Variants in PRKG1 observed in about 807,000 individuals in gnomAD.
PRKG1 encodes cGMP-dependent protein kinase 1.
Under a neutral mutation model 88.1 loss-of-function variants are expected in PRKG1, and 35 were observed. That is an observed-to-expected ratio of 0.40 (90% CI 0.30 to 0.53). The LOEUF (loss-of-function observed/expected upper bound fraction) is 0.53, where lower values mean the gene tolerates loss of function less well. PRKG1 is among the 20% of genes least tolerant of loss of function. PRKG1 has a pLI of 0.59. For synonymous variants in PRKG1, 303 were observed against 292.5 expected (o/e 1.04, Z -0.37); for missense variants, 540 against 839.8 (o/e 0.64, Z 4.41).
intron 3 of PRKG1, among the ~76,000 whole-genome samples, chr10:51,506,235 A>G (rs1445426697): frequency 1.3e-5 from 2 of 152,196 alleles, no homozygotes; most frequent in Non-Finnish European, 2.9e-5. Context: ...CATTCAGGAC[A>G]TAGGCATGGG....
At position 51,549,127 on chromosome 10, in the gene PRKG1, T is replaced by C. The variant is rs1333966469; in HGVS notation, c.592+81291T>C. 5.2e-3 allele frequency among the ~76,000 whole-genome samples: 597 copies of C among 115,702 alleles called. 2 individuals are homozygous for C. The highest frequency in any genetic ancestry group is 0.018 in the African/African-American group (580 of 32,010). The allele number at this position is 115,702 out of a possible 152,430, so 75.9% of individuals were successfully genotyped here. On this transcript the variant is annotated intron_variant, in intron 3 of 17. Coordinates refer to ENST00000373980, the MANE Select transcript of PRKG1 (RefSeq NM_006258.4). The stretch of plus-strand genomic sequence containing the variant: ...CTTTCTTTCTTTTCTTTTCTTTTTT[T>C]TTTTTTTTTTTTTTGAGACAGAGTC...
In PRKG1 at chr10:51,153,340, G is replaced by T. The variant is rs763995628; in HGVS notation, c.478+10G>T. The T allele has an allele frequency of 2.8e-5, 44 of 1,588,424 alleles. No homozygotes were observed. Among genetic ancestry groups the T allele is most frequent in the Non-Finnish European group, 6.9e-6 (8 of 1,165,536 alleles). ...GTGTATGTCATGGAAGGTACGGTTT[G>T]TAACTCCAATCCTCTGACATTCAAA... On this transcript the variant is annotated intron_variant, in intron 2 of 17. Coordinates refer to ENST00000373980, the MANE Select transcript of PRKG1 (RefSeq NM_006258.4).
chr10:51,406,876 C>T (rs748311820), intron 2 of PRKG1, among the ~76,000 whole-genome samples: 2 of 152,098 alleles, frequency 1.3e-5, no homozygotes, highest in African/African-American at 2.4e-5. Flanking sequence ...TTAACTCACA[C>T]GATCAGAAGG....
At chr10:51,271,081 A>T (rs375881416) in intron 2 of PRKG1, among the ~76,000 whole-genome samples, 1 of 152,172 alleles carries the variant, frequency 6.6e-6, no homozygotes. Context: ...TAGCTTTAGG[A>T]TCATCCAAGA....
chr10:51,103,841 T>C (rs1018187157), intron 1 of PRKG1, among the ~76,000 whole-genome samples: 2 of 152,168 alleles, frequency 1.3e-5, no homozygotes, highest in Admixed American at 6.5e-5. Context: ...AGTAAGTACA[T>C]ACACAACTAA....
At chr10:51,108,381 A>T (rs200842631) in intron 1 of PRKG1, among the ~76,000 whole-genome samples, 14 of 146,672 alleles carry the variant, frequency 9.5e-5, no homozygotes, top group East Asian at 2.0e-4. Flanking sequence ...TAACAAAATT[A>T]AAAAAAAAAA....
chr10:52,253,571 T>C (rs563770002), intron 10 of PRKG1: 1 of 151,982 alleles, frequency 6.6e-6, no homozygotes, highest in South Asian at 2.1e-4. Flanking sequence ...TGTGCACACA[T>C]GTGTATGCTC....
chr10:51,270,766 T>C (rs1387603369), intron 2 of PRKG1, among the ~76,000 whole-genome samples: 1 of 152,172 alleles, frequency 6.6e-6, no homozygotes, highest in Admixed American at 6.6e-5. Context: ...ATTTGGTTGG[T>C]GTCCACAACC....
intron 2 of PRKG1, among the ~76,000 whole-genome samples, chr10:51,264,829 C>A (rs941175243): frequency 1.3e-5 from 2 of 152,148 alleles, no homozygotes; most frequent in Admixed American, 1.3e-4. Flanking sequence ...AGAGGGCTTT[C>A]ATGAACAGTT....
At chr10:51,874,169 A>T (rs192234586) in intron 4 of PRKG1, among the ~76,000 whole-genome samples, 12 of 152,308 alleles carry the variant, frequency 7.9e-5, no homozygotes, top group African/African-American at 2.9e-4. Flanking sequence ...TGCTGAGACC[A>T]TTCCCAATCT....
At chr10:52,164,814 T>C (rs2132694578) in intron 9 of PRKG1, among the ~76,000 whole-genome samples, 1 of 152,300 alleles carries the variant, frequency 6.6e-6, no homozygotes, top group Admixed American at 6.5e-5. Flanking sequence ...TATGACATGA[T>C]GATTTGATAC....
At chr10:52,060,777 G>C (rs1846217810) in intron 6 of PRKG1, among the ~76,000 whole-genome samples, 1 of 151,838 alleles carries the variant, frequency 6.6e-6, no homozygotes, top group Non-Finnish European at 1.5e-5. Flanking sequence ...TAATAACCTT[G>C]TTCTTTATTC....
chr10:51,412,911 C>T (rs922893189), intron 2 of PRKG1, among the ~76,000 whole-genome samples: 1 of 152,044 alleles, frequency 6.6e-6, no homozygotes, highest in Non-Finnish European at 1.5e-5. Flanking sequence ...AAGGTTGAGA[C>T]AGTGAGGAAA....
intron 4 of PRKG1, among the ~76,000 whole-genome samples, chr10:51,888,772 T>A (rs1314680898): frequency 6.6e-6 from 1 of 152,202 alleles, no homozygotes; most frequent in African/African-American, 2.4e-5. Context: ...AAAGTTTCTG[T>A]CTCTTCATTT....
chr10:51,847,786 G>C (rs1218071210), intron 4 of PRKG1, among the ~76,000 whole-genome samples: 1 of 124,354 alleles, frequency 8.0e-6, no homozygotes, highest in Non-Finnish European at 1.6e-5. Flanking sequence ...TGAGGTGCTT[G>C]AACCCAGGAG....
chr10:51,192,967 T>A (rs1049048188), intron 2 of PRKG1, among the ~76,000 whole-genome samples: 5 of 152,032 alleles, frequency 3.3e-5, no homozygotes, highest in African/African-American at 1.2e-4. Flanking sequence ...AACAGAGAAG[T>A]AAACCAATCA....
chr10:51,268,178 A>C (rs1839886614), intron 2 of PRKG1, among the ~76,000 whole-genome samples: 1 of 152,134 alleles, frequency 6.6e-6, no homozygotes, highest in South Asian at 2.1e-4. Flanking sequence ...GGTCACAGAG[A>C]TCACAAGGCA....
Position 51,051,007 on chromosome 10 carries a change from T to C in PRKG1, c.266+59363T>C, listed in dbSNP as rs891292020. Among the ~76,000 whole-genome samples the C allele has an allele frequency of 1.6e-4, 24 of 152,096 alleles. 1 individual carries two copies. Among genetic ancestry groups the C allele is most frequent in the Admixed American group, 2.6e-4 (4 of 15,268 alleles). The stretch of plus-strand genomic sequence containing the variant: ...ATTTGCTCACTTTTTATTTTTTGTT[T>C]TTTGTTTTTTTGCTTTTGAGTCATG... On this transcript the variant is annotated intron_variant, in intron 1 of 17. Coordinates refer to the PRKG1 transcript ENST00000401604.
intron 4 of PRKG1, among the ~76,000 whole-genome samples, chr10:51,847,441 C>A (rs138001889): frequency 1.0e-3 from 156 of 151,750 alleles, no homozygotes; most frequent in African/African-American, 3.5e-3. Context: ...GAAAATGAAC[C>A]TTTTTTTATA....
Sources: allele counts gnomAD v4.1 joint callset (sites outside exome capture counted in the v4.1 genomes callset), GRCh38; gene constraint gnomAD v4.1.1; transcripts MANE v1.5; gene names NCBI Gene and HGNC (gene_info 2026-07-23, HGNC 2026-07-21).